DGKQ: variants seen among roughly 807,000 people sequenced by gnomAD.
DGKQ encodes diacylglycerol kinase theta, also known as DAG kinase theta.
Under a neutral mutation model 104.2 loss-of-function variants are expected in DGKQ, and 97 were observed. The ratio of observed to expected loss-of-function variants is 0.93; its 90% CI spans 0.79 to 1.10. The LOEUF (loss-of-function observed/expected upper bound fraction) is 1.10. Ranked by LOEUF, DGKQ falls within the 50% of genes least tolerant of loss-of-function variation. The pLI, the probability that DGKQ is intolerant of heterozygous loss-of-function variation, is 0.00. For missense variants in DGKQ, 1,465 were observed against 1,352.1 expected (o/e 1.08, Z -1.31); for synonymous variants, 736 against 595.2 (o/e 1.24, Z -3.44).
At chr4:969,306 G>GCTCTGTC (rs1266069615) in intron 2 of DGKQ, among the ~76,000 whole-genome samples, 1 of 152,250 alleles carries the variant, frequency 6.6e-6, no homozygotes, top group East Asian at 1.9e-4. Flanking sequence ...GGCAGGCGAG[G>GCTCTGTC]CTCTGTCGAC....
chr4:965,501 G>C lies in DGKQ; in HGVS notation c.1608C>G (p.Tyr536Ter). The change falls in exon 14 of 23, where the codon TAC becomes TAG. Residue 536 changes from tyrosine (Y) to a stop codon, truncating the protein, a stop_gained. Coordinates refer to ENST00000273814, the MANE Select transcript of DGKQ (RefSeq NM_001347.4). LOFTEE classifies it high-confidence loss of function. The stretch of plus-strand genomic sequence containing the variant: ...CTCAGGGCAGCTCACCTTGGGAGGA[G>C]TAGATGTGACTCACGGACACCACGG... ...KATVVSVSHIYSSQGAVVLDV... is the reference protein window; with the variant it reads ...KATVVSVSHI The C allele has an allele frequency of 6.2e-7, 1 of 1,611,914 alleles. No individual in the cohort carries two copies. Among genetic ancestry groups the C allele is most frequent in the Non-Finnish European group, 8.5e-7 (1 of 1,179,572 alleles).
chr4:966,427 C>T lies in DGKQ; in HGVS notation c.1428+39G>A, dbSNP rs1431246224. On this transcript the variant is annotated intron_variant, in intron 12 of 22. Transcript: ENST00000273814. ...GTGGGGCAGAGGCTGTGGCTGAGGG[C>T]TGCTGGTTCCCTGGGGGCCGGCGTC... The T allele has an allele frequency of 1.9e-6, 3 of 1,604,378 alleles. No homozygotes were observed. The South Asian group carries it at 3.3e-5, about 18-fold the overall frequency.
Position 965,191 on chromosome 4 carries a change from C to A in DGKQ, c.1719G>T (p.Val573=). 6.2e-7 allele frequency: 1 copy of A among 1,612,488 alleles called. No homozygotes were observed. The highest frequency in any genetic ancestry group is 8.5e-7 in the Non-Finnish European group (1 of 1,179,820). Residue 573 remains valine (V), a synonymous_variant, in exon 15 of 23, where the codon GTG becomes GTT. Coordinates refer to ENST00000273814, the MANE Select transcript of DGKQ (RefSeq NM_001347.4). ...GCACACTCACCAGCAGGTCGGGGAG[C>A]ACCAGGGCAGTGAGCAGCCGGCCCC... is the stretch of plus-strand genomic sequence containing the variant. ...AVRGRLLTAL[V]LPDLLHAKLP... is the part of the protein sequence containing the mutation.
At chr4:965,317 G>A in intron 14 of DGKQ, 26 bp from the exon 15 acceptor site, 2 of 1,605,712 alleles carry the variant, frequency 1.2e-6, no homozygotes, top group Non-Finnish European at 1.7e-6. Flanking sequence ...AGGACTCAGG[G>A]GGAGCCTGTC....
chr4:961,251 C>A, intron 21 of DGKQ, 50 bp from the exon 22 acceptor site: 1 of 1,461,518 alleles, frequency 6.8e-7, no homozygotes, highest in African/African-American at 1.5e-5. Flanking sequence ...GGACGCCCAC[C>A]GCTGACCTGG....
rs1361369007 is a variant in DGKQ at position 960,566 on chromosome 4, A to T, written c.*54T>A. On this transcript the variant is annotated 3_prime_UTR_variant, in exon 23 of 23. Coordinates refer to ENST00000273814, the MANE Select transcript of DGKQ (RefSeq NM_001347.4). ...GGAGCTGCCTCCAGACCACCTGAAA[A>T]CAAGGCTGGCGGGAGCAGAGATGGC... 2.6e-6 allele frequency: 4 copies of T among 1,542,166 alleles called. No individual in the cohort carries two copies. Among genetic ancestry groups the T allele is most frequent in the Non-Finnish European group, 3.6e-6 (4 of 1,122,676 alleles).
In DGKQ at chr4:966,814, G is replaced by A. The variant is rs1430230066; in HGVS notation, c.1312-12C>T. ...TCGGGACTCTCGGCCTGTTGGGGTA[G>A]AGCTTGGCATCGGGTCTGGGCAGGC... On this transcript the variant is annotated splice_polypyrimidine_tract_variant and intron_variant, in intron 10 of 22. Transcript: ENST00000273814. 17 of 1,607,584 alleles carry A rather than the reference G, an allele frequency of 1.1e-5. No homozygotes were observed. The highest frequency in any genetic ancestry group is 1.4e-5 in the Non-Finnish European group (17 of 1,177,742).
rs375201856 is a variant in DGKQ, at chr4:967,202, T to A, written c.1147A>T (p.Thr383Ser). ...GCCCGGATGACCCAGGCCTCTGGCG[T>A]GGCCTCGCCGGACCCGGGGCTTCTG... Reference protein sequence around the residue: ...EGRSPGSGEATPEAWVIRALP... With the variant: ...EGRSPGSGEASPEAWVIRALP... The change falls in exon 9 of 23, where the codon ACG (threonine) becomes TCG (serine). Residue 383 changes from threonine (T) to serine (S), a missense_variant. Physicochemically the swap from Thr to Ser is moderately conservative, Grantham distance 58. Coordinates refer to ENST00000273814, the MANE Select transcript of DGKQ (RefSeq NM_001347.4). 6.3e-7 allele frequency: 1 copy of A among 1,592,684 alleles called. No homozygotes were observed. Among genetic ancestry groups the A allele is most frequent in the Admixed American group, 1.7e-5 (1 of 58,404 alleles).
At chr4:964,813 G>A (rs964924060) in intron 15 of DGKQ, among the ~76,000 whole-genome samples, 7 of 152,058 alleles carry the variant, frequency 4.6e-5, no homozygotes, top group African/African-American at 7.2e-5. Flanking sequence ...CAGCCGCAGC[G>A]GGGCCCGGCA....
In DGKQ at chr4:959,000, GACTC is replaced by G. The variant is rs1160817655; in HGVS notation, c.*1616_*1619del. On this transcript the variant is annotated 3_prime_UTR_variant, in exon 23 of 23. Coordinates refer to ENST00000273814, the MANE Select transcript of DGKQ (RefSeq NM_001347.4). ...AGGGCACAGACCCCACCTGGGTACA[GACTC>G]ACATACAGGACAAGCCCCTCACCAC... The G allele has an allele frequency of 6.3e-6, 1 of 159,364 alleles. No homozygotes were observed. Among genetic ancestry groups the G allele is most frequent in the African/African-American group, 2.4e-5 (1 of 41,550 alleles). The allele number at this position is 159,364 out of a possible 1,614,324, so 9.9% of individuals were successfully genotyped here.
At chr4:973,131 C>G in intron 1 of DGKQ, 81 bp downstream of exon 1, 1 of 1,362,082 alleles carries the variant, frequency 7.3e-7, no homozygotes, top group Non-Finnish European at 9.5e-7. Flanking sequence ...CCGAAAGCGC[C>G]GGTGCCACCT....
At chr4:969,120 T>G (rs979756068) in intron 2 of DGKQ, among the ~76,000 whole-genome samples, 1 of 151,700 alleles carries the variant, frequency 6.6e-6, no homozygotes, top group Non-Finnish European at 1.5e-5. Context: ...GAGGAGGCTG[T>G]GGCCTCCTCC....
At position 961,564 on chromosome 4, in the gene DGKQ, GC is replaced by G. The variant is rs1232784057; in HGVS notation, c.2476del (p.Ala826ProfsTer27). The G allele has an allele frequency of 6.2e-7, 1 of 1,608,562 alleles. No individual in the cohort carries two copies. Among genetic ancestry groups the G allele is most frequent in the Admixed American group, 1.7e-5 (1 of 59,592 alleles). On this transcript the variant is annotated frameshift_variant, in exon 21 of 23. Coordinates refer to ENST00000273814, the MANE Select transcript of DGKQ (RefSeq NM_001347.4). LOFTEE classifies it high-confidence loss of function. The stretch of plus-strand genomic sequence containing the variant: ...GTCGCTGTCGGAGCCCCACAGGTCG[GC>G]CCCCGAGCCCCAGCTGCCGCATAAG... ...FINIPSWGSG[A>X]DLWGSDSDTR...
At position 967,314 on chromosome 4, in the gene DGKQ, C is replaced by G. The variant is rs1301412617; in HGVS notation, c.1035G>C (p.Leu345=). The G allele has an allele frequency of 6.5e-7, 1 of 1,539,832 alleles. No homozygotes were observed. Among genetic ancestry groups the G allele is most frequent in the Admixed American group, 1.9e-5 (1 of 51,418 alleles). The change falls in exon 9 of 23, where the codon CTG becomes CTC. Residue 345 remains leucine, a synonymous_variant. Coordinates refer to ENST00000273814, the MANE Select transcript of DGKQ (RefSeq NM_001347.4). ...AHHIPEDPGH[L]ELCRLPPSSQ... ...AGGAAGGGGGCAGCCGGCACAGCTC[C>G]AGGTGGCCAGGGTCCTCGGGGATGT... is the stretch of plus-strand genomic sequence containing the variant.
chr4:965,085 T>C (rs893346199), intron 15 of DGKQ, 91 bp downstream of exon 15: 9 of 950,776 alleles, frequency 9.5e-6, no homozygotes, highest in Non-Finnish European at 1.3e-5. Flanking sequence ...AAACAGCGAG[T>C]CTGGCTGTGG....
At chr4:970,657 C>T (rs1164859523) in intron 2 of DGKQ, among the ~76,000 whole-genome samples, 2 of 152,042 alleles carry the variant, frequency 1.3e-5, no homozygotes, top group Non-Finnish European at 1.5e-5. Flanking sequence ...AAATCTCCAT[C>T]CCCCCCAGGA....
At chr4:968,246 G>GCCCCCCCCCCCCCCCCC in intron 5 of DGKQ, 36 bp downstream of exon 5, 1 of 765,218 alleles carries the variant, frequency 1.3e-6, no homozygotes, top group Non-Finnish European at 1.9e-6. Context: ...CACCTCTCCT[G>GCCCCCCCCCCCCCCCCC]CCCCACCCCC....
rs148428439 is a variant in DGKQ at position 972,124 on chromosome 4, C to T, written c.272-1052G>A. Among the ~76,000 whole-genome samples, 13 of 152,242 alleles carry T rather than the reference C, an allele frequency of 8.5e-5. No homozygotes were observed. The East Asian group carries it at 1.7e-3, about 20-fold the overall frequency. On this transcript the variant is annotated intron_variant, in intron 1 of 22. Coordinates refer to ENST00000273814, the MANE Select transcript of DGKQ (RefSeq NM_001347.4). ...GGGGAGGGTGCCCTCCTTCCCATAC[C>T]GCTGCTGGCCCCTCTTCCACGGGTG...
At position 968,368 on chromosome 4, in the gene DGKQ, A is replaced by G. The variant is rs753676721; in HGVS notation, c.577T>C (p.Ser193Pro). Residue 193 changes from serine to proline, a missense_variant, in exon 5 of 23, where the codon TCG (serine) becomes CCG (proline). Coordinates refer to ENST00000273814, the MANE Select transcript of DGKQ (RefSeq NM_001347.4). The part of the protein sequence containing the change: ...HHHWREGNLP[S>P]GARCEVCRKT... ...CTGCAGACCTCGCAGCGCGCTCCCGAGGGCAGGTTCCCCTCCCGCCAGTGG... is the reference window on the plus strand; with the variant it reads ...CTGCAGACCTCGCAGCGCGCTCCCGGGGGCAGGTTCCCCTCCCGCCAGTGG... 3.3e-6 allele frequency: 5 copies of G among 1,534,970 alleles called. No individual in the cohort carries two copies. The East Asian group carries it at 7.3e-5, about 22-fold the overall frequency.
Sources: gnomAD v4.1 joint callset for allele counts (sites outside exome capture counted in the v4.1 genomes callset) on GRCh38, gnomAD v4.1.1 for gene constraint, MANE v1.5 for transcripts, NCBI Gene and HGNC (gene_info 2026-07-23, HGNC 2026-07-21) for gene names.